SNRPN: variants seen among roughly 807,000 people sequenced by gnomAD.
SNRPN encodes the protein small nuclear ribonucleoprotein-associated protein N.
In SNRPN, 7 loss-of-function variants were observed where a neutral mutation model predicts 25.2. The ratio of observed to expected loss-of-function variants is 0.28; its 90% CI spans 0.16 to 0.52. The LOEUF (loss-of-function observed/expected upper bound fraction) is 0.52. Among genes scored for constraint, SNRPN ranks in the 20% least tolerant of loss-of-function variants. The pLI is 0.96. For synonymous variants in SNRPN, 124 were observed against 110.6 expected (o/e 1.12, Z -0.76); for missense variants, 196 against 322.5 (o/e 0.61, Z 3.00).
intron 1 of SNRPN, among the ~76,000 whole-genome samples, chr15:24,874,492 G>A (rs747729062): frequency 1.1e-4 from 16 of 152,078 alleles, no homozygotes; most frequent in Non-Finnish European, 1.9e-4. Context: ...ATACTGATAA[G>A]TGGGCAGTAA....
At chr15:24,914,863 T>C (rs960186109) in intron 2 of SNRPN, among the ~76,000 whole-genome samples, 3 of 152,074 alleles carry the variant, frequency 2.0e-5, no homozygotes, top group Admixed American at 2.0e-4. Context: ...AATAGAGAGA[T>C]TGCTCTGAAC....
chr15:24,830,560 A>G (rs1236910286), intron 2 of SNRPN, among the ~76,000 whole-genome samples: 1 of 152,098 alleles, frequency 6.6e-6, no homozygotes, highest in East Asian at 1.9e-4. Context: ...TCTAATATAT[A>G]CACACTCAAT....
chr15:24,972,187 T>C (rs2076499071), intron 3 of SNRPN, among the ~76,000 whole-genome samples: 1 of 146,110 alleles, frequency 6.8e-6, no homozygotes, highest in South Asian at 2.1e-4. Context: ...ACCCGGGAAG[T>C]GGAGGCTGCA....
chr15:24,928,940 A>G (rs546697715), intron 3 of SNRPN, among the ~76,000 whole-genome samples: 1 of 152,178 alleles, frequency 6.6e-6, no homozygotes, highest in South Asian at 2.1e-4. Context: ...ATTTAGATAC[A>G]TGACCTCAGA....
intron 3 of SNRPN, chr15:24,942,549 T>C (rs979170249): frequency 6.6e-6 from 1 of 152,254 alleles, no homozygotes; most frequent in African/African-American, 2.4e-5. Flanking sequence ...GCGATGTTGT[T>C]TGGAATACTA....
In SNRPN at chr15:24,946,384, G is replaced by A. The variant is rs542906487; in HGVS notation, c.-390-15730G>A. 2.0e-5 allele frequency among the ~76,000 whole-genome samples: 3 copies of A among 152,294 alleles called. No homozygotes were observed. In the East Asian group the frequency reaches 5.8e-4, roughly 29 times the overall value. On this transcript the variant is annotated intron_variant, in intron 3 of 11. Coordinates refer to the SNRPN transcript ENST00000400097. ...ATTGTGCCACTGCACTCTAGCCTGGGTAACAGAGTGAGACCCTGTCTCTAA... is the reference window on the plus strand; with the variant it reads ...ATTGTGCCACTGCACTCTAGCCTGGATAACAGAGTGAGACCCTGTCTCTAA...
chr15:24,962,055 A>T (rs977885182), intron 1 of SNRPN, 59 bp from the exon 2 acceptor site: 1 of 1,338,586 alleles, frequency 7.5e-7, no homozygotes, highest in African/African-American at 1.4e-5. Context: ...ACCTTGACAA[A>T]TAGTTATTTC....
intron 2 of SNRPN, among the ~76,000 whole-genome samples, chr15:24,846,989 T>TA (rs1198569792): frequency 6.6e-6 from 1 of 152,090 alleles, no homozygotes; most frequent in African/African-American, 2.4e-5. Context: ...AGAGACAACA[T>TA]AAACTCTGGG....
At chr15:24,873,836 T>C (rs2055519340) in intron 1 of SNRPN, among the ~76,000 whole-genome samples, 1 of 152,148 alleles carries the variant, frequency 6.6e-6, no homozygotes, top group African/African-American at 2.4e-5. Context: ...TGGGATCTGA[T>C]GACCTGGAGT....
At chr15:24,917,095 G>A (rs574486443) in intron 2 of SNRPN, among the ~76,000 whole-genome samples, 1 of 152,200 alleles carries the variant, frequency 6.6e-6, no homozygotes, top group South Asian at 2.1e-4. Flanking sequence ...ACAGAGCATC[G>A]ATTGGTGCAT....
intron 2 of SNRPN, chr15:24,848,225 CGGCGGT>C (rs1346761914): frequency 2.7e-4 from 9 of 33,242 alleles, no homozygotes; most frequent in Admixed American, 1.3e-3. Flanking sequence ...GGGGCGGGGG[CGGCGGT>C]GGGGGCGGGG....
At chr15:24,826,179 A>G (rs1286822100) in intron 1 of SNRPN, among the ~76,000 whole-genome samples, 1 of 152,072 alleles carries the variant, frequency 6.6e-6, no homozygotes, top group Admixed American at 6.5e-5. Flanking sequence ...ATGTCTCTGT[A>G]GAAAATGGCT....
chr15:24,897,154 T>TAAACAAAAACAA (rs1168250844), intron 2 of SNRPN, among the ~76,000 whole-genome samples: 1 of 151,908 alleles, frequency 6.6e-6, no homozygotes, highest in Admixed American at 6.6e-5. Context: ...CTATCTAAAA[T>TAAACAAAAACAA]AAACAAAAAC....
At chr15:24,836,060 G>A (rs185447996) in intron 2 of SNRPN, among the ~76,000 whole-genome samples, 28 of 152,172 alleles carry the variant, frequency 1.8e-4, no homozygotes, top group African/African-American at 6.5e-4. Context: ...AGGCTATAAC[G>A]TTCTAGAGGC....
Position 24,975,338 on chromosome 15 carries a change from T to G in SNRPN, c.4-20T>G, listed in dbSNP as rs2076947371. On this transcript the variant is annotated intron_variant, in intron 4 of 9. Coordinates refer to ENST00000390687, the MANE Select transcript of SNRPN (RefSeq NM_003097.6). ...AGGGTGTTGGCAAGCTGAACATGAC[T>G]CTTGTCTTACTGCTTCTAGACTGTT... 6.2e-7 allele frequency: 1 copy of G among 1,607,698 alleles called. No individual in the cohort carries two copies. Among genetic ancestry groups the G allele is most frequent in the Non-Finnish European group, 8.5e-7 (1 of 1,175,590 alleles).
intron 4 of SNRPN, chr15:24,974,953 C>T (rs2076894515): frequency 1.4e-6 from 1 of 702,800 alleles, no homozygotes; most frequent in African/African-American, 1.7e-5. Flanking sequence ...ATGATGGACT[C>T]TCAGGTCAGA....
Position 24,974,434 on chromosome 15 carries a change from G to A in SNRPN, c.-20G>A. On this transcript the variant is annotated 5_prime_UTR_variant, in exon 4 of 10. Coordinates refer to ENST00000390687, the MANE Select transcript of SNRPN (RefSeq NM_003097.6). ...CATCAAGTTTTAACTGTGGACATTGGATTTGGTGGAACAGCAATCATGGTA... is the reference window on the plus strand; with the variant it reads ...CATCAAGTTTTAACTGTGGACATTGAATTTGGTGGAACAGCAATCATGGTA... 1 of 1,613,322 alleles carries A rather than the reference G, an allele frequency of 6.2e-7. No individual in the cohort carries two copies. Among genetic ancestry groups the A allele is most frequent in the Non-Finnish European group, 8.5e-7 (1 of 1,179,306 alleles).
Position 24,935,838 on chromosome 15 carries a change from G to A in SNRPN, c.-391+15714G>A, listed in dbSNP as rs116374211. 5.7e-3 allele frequency among the ~76,000 whole-genome samples: 872 copies of A among 152,230 alleles called. 12 individuals carry two copies. The highest frequency in any genetic ancestry group is 0.02 in the African/African-American group (817 of 41,548). On this transcript the variant is annotated intron_variant, in intron 3 of 11. Transcript: ENST00000400097. Reference sequence around the variant, plus strand: ...GACAGAGAAGAATTAAAAATCATGGGCTGGGTGCGGTGGCTCACCCCTGTA... The same window carrying A: ...GACAGAGAAGAATTAAAAATCATGGACTGGGTGCGGTGGCTCACCCCTGTA...
intron 3 of SNRPN, among the ~76,000 whole-genome samples, chr15:24,948,402 G>A (rs929874552): frequency 6.6e-6 from 1 of 152,144 alleles, no homozygotes; most frequent in East Asian, 1.9e-4. Flanking sequence ...GTGAGCCACC[G>A]CACCTGGCCT....
Sources: allele counts gnomAD v4.1 joint callset (sites outside exome capture counted in the v4.1 genomes callset), GRCh38; gene constraint gnomAD v4.1.1; transcripts MANE v1.5; gene names NCBI Gene and HGNC (gene_info 2026-07-23, HGNC 2026-07-21).